NUP58: variants seen among roughly 807,000 people sequenced by gnomAD.
NUP58 encodes nucleoporin p58/p45.
In NUP58, 17 loss-of-function variants were observed where a neutral mutation model predicts 70.1. The observed-to-expected ratio is 0.24, with a 90% CI of 0.17 to 0.36. NUP58 has a LOEUF of 0.36. NUP58 is among the 10% of genes least tolerant of loss of function. NUP58 has a pLI of 1.00. For missense variants in NUP58, 644 were observed against 701.5 expected, an observed-to-expected ratio of 0.92 and a Z score of 0.93; for synonymous variants, 275 against 257.6, an observed-to-expected ratio of 1.07 and a Z score of -0.65.
chr13:25,304,788 C>G (rs2030235001), intron 1 of NUP58, among the ~76,000 whole-genome samples: 1 of 151,618 alleles, frequency 6.6e-6, no homozygotes, highest in African/African-American at 2.4e-5. Flanking sequence ...CCTTGGCATC[C>G]CAAGGTGCTG....
At chr13:25,330,676 A>T (rs1472945036) in intron 12 of NUP58, among the ~76,000 whole-genome samples, 4 of 152,226 alleles carry the variant, frequency 2.6e-5, no homozygotes, top group Non-Finnish European at 5.9e-5. Context: ...AAAGCAGCTC[A>T]CTTTATGAAC....
chr13:25,316,092 G>T (rs1593183273), intron 6 of NUP58, among the ~76,000 whole-genome samples: 1 of 152,078 alleles, frequency 6.6e-6, no homozygotes, highest in Admixed American at 6.5e-5. Flanking sequence ...CTGGAAATTG[G>T]ATCATTGGCT....
In NUP58 at chr13:25,309,301, A is replaced by G; in HGVS notation, c.286+19A>G. ...ACTCTGGGTAAGAATTTTTGAGGAA[A>G]GATCCCAGCTCTGTGGTCTTCTAAT... On this transcript the variant is annotated intron_variant, in intron 3 of 15. Transcript: ENST00000381736. The G allele has an allele frequency of 6.3e-7, 1 of 1,582,110 alleles. No individual in the cohort carries two copies. The highest frequency in any genetic ancestry group is 1.7e-4 in the Middle Eastern group (1 of 5,860).
chr13:25,320,387 G>A, intron 7 of NUP58, 143 bp from the exon 8 acceptor site: 1 of 538,704 alleles, frequency 1.9e-6, no homozygotes, highest in Non-Finnish European at 3.3e-6. Flanking sequence ...TTTTTATAAA[G>A]AGCTTTGAAA....
intron 10 of NUP58, 112 bp from the exon 11 acceptor site, chr13:25,326,804 T>G (rs1430594564): frequency 1.9e-6 from 1 of 519,762 alleles, no homozygotes; most frequent in Non-Finnish European, 3.4e-6. Context: ...TTTCCTTGGA[T>G]AACCTTGATA....
chr13:25,313,686 C>T lies in NUP58; in HGVS notation c.509C>T (p.Ser170Phe). ...ACTACAACTGCATCAACAGGCCTCT[C>T]TTTAGGGGGAGCCTTAGCTGGTTTG... ...ATTTTASTGL[S>F]LGGALAGLGG... Residue 170 changes from serine to phenylalanine, a missense_variant, in exon 5 of 16, where the codon TCT becomes TTT. Ser to Phe is a radical substitution (Grantham distance 155, BLOSUM62 -2). Around this residue, in one of 4 missense-constraint regions of NUP58, gnomAD observed 430 missense variants for 409.2 expected, o/e 1.05. Transcript: ENST00000381736. 3.9e-6 allele frequency: 6 copies of T among 1,532,426 alleles called. No individual in the cohort carries two copies. The highest frequency in any genetic ancestry group is 5.2e-6 in the Non-Finnish European group (6 of 1,152,752). The allele number at this position is 1,532,426 out of a possible 1,614,324, so 94.9% of individuals were successfully genotyped here.
intron 13 of NUP58, chr13:25,336,385 A>G (rs2031783591): frequency 1.4e-6 from 1 of 735,906 alleles, no homozygotes; most frequent in Non-Finnish European, 2.0e-6. Flanking sequence ...TATATCATTT[A>G]TATTTCATAT....
At position 25,336,975 on chromosome 13, in the gene NUP58, T is replaced by A; in HGVS notation, c.1475T>A (p.Phe492Tyr). The A allele has an allele frequency of 1.9e-6, 3 of 1,609,256 alleles. No homozygotes were observed. The South Asian group carries it at 3.3e-5, about 18-fold the overall frequency. ...PSLGVSFGTPFGSGIGTGLQS... is the reference protein window; with the variant it reads ...PSLGVSFGTPYGSGIGTGLQS... ...CTGGGAGTTAGTTTTGGAACGCCAT[T>A]CGGCTCAGGTATTGGCACTGGCTTG... Residue 492 changes from phenylalanine (F) to tyrosine (Y), a missense_variant, in exon 14 of 16, where the codon TTC becomes TAC. By Grantham distance (22) the Phe-to-Tyr change is conservative. This residue lies in a region of NUP58 where 132 missense variants were observed against 203.9 expected (regional missense o/e 0.65). Coordinates refer to ENST00000381736, the MANE Select transcript of NUP58 (RefSeq NM_014089.4).
At chr13:25,318,290 T>C (rs1381975958) in intron 6 of NUP58, among the ~76,000 whole-genome samples, 1 of 151,902 alleles carries the variant, frequency 6.6e-6, no homozygotes, top group Admixed American at 6.6e-5. Flanking sequence ...ATCACGCCAC[T>C]GCACTCCAGC....
At chr13:25,312,768 G>T in intron 3 of NUP58, 115 bp from the exon 4 acceptor site, 2 of 967,532 alleles carry the variant, frequency 2.1e-6, no homozygotes, top group Non-Finnish European at 1.5e-6. Flanking sequence ...TCTTCTATTG[G>T]CAAAAGGTAG....
chr13:25,318,097 G>A (rs1357969975), intron 6 of NUP58, among the ~76,000 whole-genome samples: 2 of 151,828 alleles, frequency 1.3e-5, no homozygotes, highest in Non-Finnish European at 2.9e-5. Flanking sequence ...TGGGAGGCCG[G>A]GGCAGGTGGG....
At chr13:25,343,085 T>C (rs541050762), downstream of NUP58, among the ~76,000 whole-genome samples, 6 of 152,196 alleles carry the variant, frequency 3.9e-5, no homozygotes, top group African/African-American at 1.4e-4. Context: ...GTAAGTTCTT[T>C]AGTGGTGATT....
At chr13:25,316,996 C>T (rs1229676029) in intron 6 of NUP58, among the ~76,000 whole-genome samples, 1 of 152,172 alleles carries the variant, frequency 6.6e-6, no homozygotes, top group East Asian at 1.9e-4. Context: ...TACTACATCC[C>T]AGTTCCCTTT....
At position 25,327,102 on chromosome 13, in the gene NUP58, A is replaced by C. The variant is rs544271300; in HGVS notation, c.1150+68A>C. ...TAGGAGATAGATGTGGTTATATAAT[A>C]GGTATTTTGGATAACTACTGGTAGC... On this transcript the variant is annotated intron_variant, in intron 11 of 15. Transcript: ENST00000381736. 10 of 898,144 alleles carry C rather than the reference A, an allele frequency of 1.1e-5. No individual in the cohort carries two copies. In the Admixed American group the frequency reaches 1.4e-4, roughly 13 times the overall value. 55.6% of individuals were successfully genotyped at this position (898,144 alleles called of 1,614,324 possible). A position where few individuals can be genotyped will look rare whatever the true frequency, so the allele number is the denominator to read the frequency against.
chr13:25,317,858 AT>A (rs34535848), intron 6 of NUP58: 74 of 118,566 alleles, frequency 6.2e-4, no homozygotes, highest in Admixed American at 1.1e-3. Context: ...AAAATGCTTG[AT>A]TTTTTTTTTT....
At chr13:25,328,259 T>G (rs952574891) in intron 12 of NUP58, among the ~76,000 whole-genome samples, 15 of 152,154 alleles carry the variant, frequency 9.9e-5, no homozygotes, top group Non-Finnish European at 2.2e-4. Context: ...TAATTTTATC[T>G]GTTTTAAGTG....
intron 6 of NUP58, among the ~76,000 whole-genome samples, chr13:25,318,642 A>G (rs2031047363): frequency 1.3e-5 from 2 of 152,228 alleles, no homozygotes. Context: ...TTGTCTCATG[A>G]GCATTTGAAG....
At chr13:25,325,319 AT>A (rs2137791379) in intron 10 of NUP58, among the ~76,000 whole-genome samples, 1 of 152,298 alleles carries the variant, frequency 6.6e-6, no homozygotes, top group South Asian at 2.1e-4. Flanking sequence ...TCATGTACAT[AT>A]TACTTACAGA....
intron 1 of NUP58, among the ~76,000 whole-genome samples, chr13:25,304,784 CA>C (rs2030234836): frequency 6.6e-6 from 1 of 151,736 alleles, no homozygotes; most frequent in Non-Finnish European, 1.5e-5. Context: ...TCCACCTTGG[CA>C]TCCCAAGGTG....
Sources: gnomAD v4.1 joint callset for allele counts (sites outside exome capture counted in the v4.1 genomes callset) on GRCh38, gnomAD v4.1.1 for gene constraint, gnomAD v4.1.1 regional missense constraint, MANE v1.5 for transcripts, NCBI Gene and HGNC (gene_info 2026-07-23, HGNC 2026-07-21) for gene names.